LDB3: variants seen among roughly 807,000 people sequenced by gnomAD.
LDB3 encodes the protein LIM domain-binding protein 3.
Under a neutral mutation model 69.0 loss-of-function variants are expected in LDB3, and 49 were observed. The observed-to-expected ratio is 0.71, with a 90% confidence interval of 0.56 to 0.90. The LOEUF is 0.90. LDB3 is among the 40% of genes least tolerant of loss of function. The pLI, the probability that LDB3 is intolerant of heterozygous loss-of-function variation, is 0.00. For synonymous variants in LDB3, 387 were observed against 396.2 expected (o/e 0.98, Z 0.28); for missense variants, 928 against 974.1 (o/e 0.95, Z 0.63).
At chr10:86,722,039 C>T (rs1847098417) in intron 12 of LDB3, among the ~76,000 whole-genome samples, 2 of 152,352 alleles carry the variant, frequency 1.3e-5, no homozygotes, top group African/African-American at 2.4e-5. Flanking sequence ...CATGCACAGA[C>T]TTTGTTCGGT....
At chr10:86,686,992 TG>T in intron 5 of LDB3, 1 of 1,403,680 alleles carries the variant, frequency 7.1e-7, no homozygotes, top group Non-Finnish European at 1.0e-6. Flanking sequence ...GCCCTTGCCT[TG>T]GCCACCCATG....
chr10:86,724,621 A>AT (rs1564661912), intron 12 of LDB3, among the ~76,000 whole-genome samples: 1 of 151,622 alleles, frequency 6.6e-6, no homozygotes, highest in African/African-American at 2.4e-5. Flanking sequence ...ATAAAAATAA[A>AT]AAATAAATAA....
chr10:86,681,274 C>T (rs574545239), intron 4 of LDB3, among the ~76,000 whole-genome samples, 162 bp from the exon 5 acceptor site: 340 of 152,400 alleles, frequency 2.2e-3, no homozygotes, highest in Non-Finnish European at 2.5e-3. Context: ...CCTGCTCCTC[C>T]ACCAGTGTCC....
Position 86,732,979 on chromosome 10 carries a change from G to T in LDB3, c.*3G>T. 6.2e-7 allele frequency: 1 copy of T among 1,610,646 alleles called. No individual in the cohort carries two copies. Among genetic ancestry groups the T allele is most frequent in the Admixed American group, 1.7e-5 (1 of 59,846 alleles). On this transcript the variant is annotated 3_prime_UTR_variant, in exon 14 of 14. Coordinates refer to ENST00000361373, the MANE Select transcript of LDB3 (RefSeq NM_007078.3). Reference sequence around the variant, plus strand: ...ACGCACACACCATCAACTTGTAGGCGGCCAAGGCCGCCTGTGCTGACGAGG... The same window carrying T: ...ACGCACACACCATCAACTTGTAGGCTGCCAAGGCCGCCTGTGCTGACGAGG...
intron 9 of LDB3, among the ~76,000 whole-genome samples, chr10:86,711,136 G>A (rs550752329): frequency 9.8e-5 from 15 of 152,374 alleles, no homozygotes; most frequent in African/African-American, 3.6e-4. Flanking sequence ...CTGGAGAGGA[G>A]TTGGAGGAGA....
intron 2 of LDB3, among the ~76,000 whole-genome samples, chr10:86,670,122 C>G (rs1844378157): frequency 6.6e-6 from 1 of 152,148 alleles, no homozygotes; most frequent in Non-Finnish European, 1.5e-5. Flanking sequence ...ATAGAGGCCA[C>G]ATGCTTACAG....
intron 5 of LDB3, among the ~76,000 whole-genome samples, chr10:86,689,519 T>C (rs1451197407): frequency 2.6e-5 from 4 of 152,256 alleles, no homozygotes; most frequent in African/African-American, 4.8e-5. Context: ...GTGACACTCA[T>C]GCTGCAGGCC....
In LDB3 at chr10:86,699,407, C is replaced by T; in HGVS notation, c.896+6836C>T. ...CCTGGAATCCCCCCACCCCAACAGG[C>T]TGGACTCCCTCCATCCTTACCCCCA... On this transcript the variant is annotated intron_variant, in intron 7 of 13. Coordinates refer to ENST00000361373, the MANE Select transcript of LDB3 (RefSeq NM_007078.3). The surrounding 1 kb of genome is among the most constrained non-coding windows in gnomAD (Gnocchi z 4.9). The T allele has an allele frequency of 6.2e-7, 1 of 1,613,134 alleles. No homozygotes were observed. The highest frequency in any genetic ancestry group is 8.5e-7 in the Non-Finnish European group (1 of 1,179,686).
intron 2 of LDB3, among the ~76,000 whole-genome samples, chr10:86,675,173 T>TGG (rs36008448): frequency 1.4e-5 from 2 of 145,688 alleles, no homozygotes; most frequent in African/African-American, 4.9e-5. Context: ...AGCTCTCCCT[T>TGG]GGGAGCAAGC....
chr10:86,688,478 C>T (rs1845609522), intron 5 of LDB3, among the ~76,000 whole-genome samples: 1 of 152,182 alleles, frequency 6.6e-6, no homozygotes, highest in South Asian at 2.1e-4. Context: ...AGATGCAGTA[C>T]TTCCTCTAGG....
rs1387132432 is a variant in LDB3 at position 86,706,818 on chromosome 10, G to C, written c.1085+99G>C. 4.5e-6 allele frequency: 6 copies of C among 1,321,588 alleles called. No individual in the cohort carries two copies. The East Asian group carries it at 1.5e-4, about 33-fold the overall frequency. The allele number at this position is 1,321,588 out of a possible 1,614,324, so 81.9% of individuals were successfully genotyped here. A position where few individuals can be genotyped will look rare whatever the true frequency, so the allele number is the denominator to read the frequency against. On this transcript the variant is annotated intron_variant, in intron 8 of 13. Transcript: ENST00000361373. The stretch of plus-strand genomic sequence containing the variant: ...TGGCCAGCTGTGTCCAAGGTAGTTA[G>C]GGCCCGCAGGCCTAGAGGAAGCCAA...
At chr10:86,674,976 G>A (rs1486007459) in intron 2 of LDB3, among the ~76,000 whole-genome samples, 4 of 151,716 alleles carry the variant, frequency 2.6e-5, no homozygotes, top group Admixed American at 2.0e-4. Flanking sequence ...CTCCCTAGAG[G>A]AGGATATCAG....
At position 86,677,011 on chromosome 10, in the gene LDB3, C is replaced by T. The variant is rs150085940; in HGVS notation, c.94-2356C>T. ...TGCCAACACTAGGAGCTGGCTTGGT[C>T]CTTGGGTTATAGCCAGGAAGGTGAC... On this transcript the variant is annotated intron_variant, in intron 2 of 13. Transcript: ENST00000361373. Among the ~76,000 whole-genome samples the T allele has an allele frequency of 2.3e-3, 344 of 152,312 alleles. 5 individuals are homozygous for T. In the South Asian group the frequency reaches 0.042, roughly 19 times the overall value.
intron 9 of LDB3, among the ~76,000 whole-genome samples, chr10:86,715,707 T>C (rs1047778503): frequency 2.0e-5 from 3 of 152,164 alleles, no homozygotes; most frequent in Non-Finnish European, 4.4e-5. Flanking sequence ...ACCCTCTGAA[T>C]GACTCCTTCA....
intron 9 of LDB3, among the ~76,000 whole-genome samples, chr10:86,711,267 C>T (rs1053835110): frequency 3.9e-5 from 6 of 152,142 alleles, no homozygotes; most frequent in African/African-American, 1.4e-4. Context: ...GCCCGCCAGG[C>T]GGCGTCAGGG....
intron 7 of LDB3, among the ~76,000 whole-genome samples, chr10:86,696,571 T>A (rs1846008648): frequency 1.3e-5 from 2 of 152,340 alleles, no homozygotes; most frequent in African/African-American, 2.4e-5. Flanking sequence ...TCTCCAGGAC[T>A]GTCCCTGTCC....
At chr10:86,710,457 G>A (rs1402798737) in intron 9 of LDB3, among the ~76,000 whole-genome samples, 1 of 152,190 alleles carries the variant, frequency 6.6e-6, no homozygotes, top group African/African-American at 2.4e-5. Flanking sequence ...GGGCGTGGTG[G>A]CACCCACCTG....
upstream of LDB3, chr10:86,666,942 A>G (rs372855674): frequency 5.8e-5 from 26 of 445,488 alleles, no homozygotes; most frequent in East Asian, 7.1e-4. Flanking sequence ...CCAGCCTGGC[A>G]GGATGGACAA....
At chr10:86,666,809 G>T, upstream of LDB3, 1 of 470,998 alleles carries the variant, frequency 2.1e-6, no homozygotes, top group Non-Finnish European at 4.4e-6. Context: ...AGCTTCATCA[G>T]GCAGGAGCCA....
Sources: allele counts gnomAD v4.1 joint callset (sites outside exome capture counted in the v4.1 genomes callset), GRCh38; gene constraint gnomAD v4.1.1; non-coding constraint Gnocchi (gnomAD v3.1); transcripts MANE v1.5; gene names NCBI Gene and HGNC (gene_info 2026-07-23, HGNC 2026-07-21).